CAMK1G: variants seen among roughly 807,000 people sequenced by gnomAD.
CAMK1G encodes the protein calcium/calmodulin-dependent protein kinase type 1G.
Under a neutral mutation model 54.8 loss-of-function variants are expected in CAMK1G, and 27 were observed. That is an observed-to-expected ratio of 0.49 (90% confidence interval 0.36 to 0.68). The LOEUF is 0.68. CAMK1G is among the 30% of genes least tolerant of loss of function. CAMK1G has a pLI of 0.00. For missense variants in CAMK1G, 512 were observed against 591.0 expected, an observed-to-expected ratio of 0.87 and a Z score of 1.39; for synonymous variants, 238 against 224.9, an observed-to-expected ratio of 1.06 and a Z score of -0.52.
intron 1 of CAMK1G, among the ~76,000 whole-genome samples, 188 bp from the exon 2 acceptor site, chr1:209,594,767 T>A (rs1346675478): frequency 1.3e-5 from 2 of 152,254 alleles, no homozygotes; most frequent in Non-Finnish European, 2.9e-5. Context: ...TCCATGAATT[T>A]GTCCTTGTAA....
At chr1:209,605,954 C>T (rs1270175447) in intron 5 of CAMK1G, among the ~76,000 whole-genome samples, 2 of 152,176 alleles carry the variant, frequency 1.3e-5, no homozygotes, top group African/African-American at 4.8e-5. Context: ...CCCAATGCAA[C>T]AAAATATTTA....
rs538751935 is a variant in CAMK1G, at chr1:209,612,015, G to A, written c.1139G>A (p.Arg380Gln). The A allele has an allele frequency of 3.5e-5, 56 of 1,614,096 alleles. No homozygotes were observed. The highest frequency in any genetic ancestry group is 1.7e-4 in the African/African-American group (13 of 74,932). The change falls in exon 11 of 13, where the codon CGG becomes CAG. Residue 380 changes from arginine to glutamine, a missense_variant. Transcript: ENST00000361322. Reference sequence around the variant, plus strand: ...CAATTACCCTGCCAGCATGGCCGCCGGCCCACTGCCCCTGGTGGCAGGTCC... The same window carrying A: ...CAATTACCCTGCCAGCATGGCCGCCAGCCCACTGCCCCTGGTGGCAGGTCC... ...LTQLPCQHGR[R>Q]PTAPGGRSLN...
chr1:209,593,029 A>C (rs1000549546), intron 1 of CAMK1G, among the ~76,000 whole-genome samples: 4 of 152,252 alleles, frequency 2.6e-5, no homozygotes, highest in Admixed American at 2.6e-4. Context: ...ACTGTTTATC[A>C]TGTGTATCAA....
At chr1:209,591,535 T>C (rs1665250120) in intron 1 of CAMK1G, among the ~76,000 whole-genome samples, 2 of 152,348 alleles carry the variant, frequency 1.3e-5, no homozygotes, top group South Asian at 2.1e-4. Flanking sequence ...TTGTCCATTG[T>C]AGCGTATAAA....
chr1:209,600,147 G>T, intron 3 of CAMK1G, 36 bp downstream of exon 3: 1 of 1,599,368 alleles, frequency 6.3e-7, no homozygotes, highest in Non-Finnish European at 8.5e-7. Flanking sequence ...ATCACTATGG[G>T]ATCACAACAT....
intron 3 of CAMK1G, among the ~76,000 whole-genome samples, chr1:209,601,095 G>A (rs1360264089): frequency 6.6e-6 from 1 of 152,200 alleles, no homozygotes; most frequent in Non-Finnish European, 1.5e-5. Flanking sequence ...AGGATTTTAA[G>A]TGAGGAGTCA....
chr1:209,588,206 G>T (rs1476214569), intron 1 of CAMK1G, among the ~76,000 whole-genome samples: 1 of 152,224 alleles, frequency 6.6e-6, no homozygotes, highest in Non-Finnish European at 1.5e-5. Context: ...GTGAGCTTAA[G>T]ATTGCAGAGG....
intron 8 of CAMK1G, among the ~76,000 whole-genome samples, chr1:209,609,416 G>A (rs1005968140): frequency 6.6e-6 from 1 of 152,180 alleles, no homozygotes; most frequent in African/African-American, 2.4e-5. Flanking sequence ...AAAACTAAGG[G>A]GTTAGATATC....
intron 2 of CAMK1G, among the ~76,000 whole-genome samples, chr1:209,598,397 C>T (rs1313601479): frequency 6.6e-6 from 1 of 152,174 alleles, no homozygotes; most frequent in Non-Finnish European, 1.5e-5. Flanking sequence ...GCACTCTGTC[C>T]CATCTGCTAC....
intron 2 of CAMK1G, among the ~76,000 whole-genome samples, chr1:209,595,443 G>C (rs1241740524): frequency 6.6e-6 from 1 of 151,420 alleles, no homozygotes; most frequent in African/African-American, 2.4e-5. Flanking sequence ...CAAAATTGGA[G>C]CTCTCAGGGA....
chr1:209,611,275 C>T (rs531297474), intron 9 of CAMK1G, among the ~76,000 whole-genome samples, 190 bp from the exon 10 acceptor site: 1 of 152,212 alleles, frequency 6.6e-6, no homozygotes, highest in African/African-American at 2.4e-5. Flanking sequence ...TTGATTTTGC[C>T]AAAGCTAAAG....
intron 9 of CAMK1G, 119 bp from the exon 10 acceptor site, chr1:209,611,346 G>A: frequency 7.5e-6 from 6 of 804,180 alleles, no homozygotes; most frequent in Non-Finnish European, 1.2e-5. Flanking sequence ...CCTGCTGTGG[G>A]CTGTCTTTCC....
chr1:209,596,735 G>T (rs573963496), intron 2 of CAMK1G, among the ~76,000 whole-genome samples: 3 of 150,902 alleles, frequency 2.0e-5, no homozygotes, highest in African/African-American at 7.3e-5. Context: ...TAAATAAGTT[G>T]CAAACATGAT....
intron 3 of CAMK1G, among the ~76,000 whole-genome samples, chr1:209,603,002 C>A (rs1223141908): frequency 6.6e-6 from 1 of 152,208 alleles, no homozygotes; most frequent in African/African-American, 2.4e-5. Flanking sequence ...ATCAATTATT[C>A]ATTCAGTAAA....
intron 1 of CAMK1G, among the ~76,000 whole-genome samples, chr1:209,586,873 C>T (rs557113577): frequency 9.2e-5 from 14 of 152,236 alleles, no homozygotes; most frequent in African/African-American, 3.4e-4. Flanking sequence ...TCTTCACATC[C>T]TCTGTAAGAA....
intron 1 of CAMK1G, among the ~76,000 whole-genome samples, chr1:209,588,723 T>C (rs1039291409): frequency 2.6e-5 from 4 of 152,096 alleles, no homozygotes; most frequent in Admixed American, 2.0e-4. Context: ...GAGAGTTCCA[T>C]CTCGGGCTAG....
intron 3 of CAMK1G, 121 bp downstream of exon 3, chr1:209,600,232 G>A (rs906917752): frequency 8.3e-7 from 1 of 1,198,574 alleles, no homozygotes; most frequent in East Asian, 2.5e-5. Flanking sequence ...CTTTGATTGA[G>A]TTGATGGGTC....
intron 8 of CAMK1G, 60 bp from the exon 9 acceptor site, chr1:209,609,790 GA>G: frequency 6.5e-7 from 1 of 1,547,462 alleles, no homozygotes; most frequent in South Asian, 1.1e-5. Context: ...GCCCGGAAGT[GA>G]ATTTCCATCA....
chr1:209,599,634 TGTACCTA>T (rs1217358845), intron 2 of CAMK1G, among the ~76,000 whole-genome samples: 2 of 152,230 alleles, frequency 1.3e-5, no homozygotes, highest in African/African-American at 4.8e-5. Context: ...ACACATTAAG[TGTACCTA>T]GTCTGTCTTC....
Sources: gnomAD v4.1 joint callset for allele counts (sites outside exome capture counted in the v4.1 genomes callset) on GRCh38, gnomAD v4.1.1 for gene constraint, MANE v1.5 for transcripts, NCBI Gene and HGNC (gene_info 2026-07-23, HGNC 2026-07-21) for gene names.